INTS4: variants seen among roughly 807,000 people sequenced by gnomAD.
The protein encoded by INTS4 is integrator complex subunit 4.
A neutral mutation model predicts 119.5 loss-of-function variants in INTS4; 70 were observed. That is an observed-to-expected ratio of 0.59 (90% confidence interval 0.48 to 0.71). The LOEUF is 0.71. Ranked by LOEUF, INTS4 falls within the 30% of genes least tolerant of loss-of-function variation. INTS4 has a pLI of 0.00. For synonymous variants in INTS4, 316 were observed against 419.6 expected, an observed-to-expected ratio of 0.75 and a Z score of 3.02; for missense variants, 867 against 1,173.2, an observed-to-expected ratio of 0.74 and a Z score of 3.81.
chr11:77,965,088 A>T (rs530947451), intron 4 of INTS4, among the ~76,000 whole-genome samples: 17 of 152,128 alleles, frequency 1.1e-4, no homozygotes, highest in Non-Finnish European at 2.4e-4. Flanking sequence ...TTAAGAGACA[A>T]CATCTTCCTC....
intron 3 of INTS4, among the ~76,000 whole-genome samples, chr11:77,980,063 A>G (rs140258741): frequency 1.9e-3 from 282 of 151,782 alleles, no homozygotes; most frequent in African/African-American, 6.4e-3. Context: ...TAGAAGGCAT[A>G]TAATACATAC....
chr11:77,944,698 T>G (rs1236883351), intron 8 of INTS4, among the ~76,000 whole-genome samples: 1 of 152,246 alleles, frequency 6.6e-6, no homozygotes, highest in African/African-American at 2.4e-5. Context: ...AAATCCAAAA[T>G]GCTCCAAAAT....
downstream of INTS4, among the ~76,000 whole-genome samples, chr11:77,876,376 C>A (rs1302734850): frequency 2.6e-5 from 4 of 151,648 alleles, no homozygotes; most frequent in African/African-American, 7.3e-5. Flanking sequence ...CTCTTTATGC[C>A]CCCTTCGAAA....
intron 7 of INTS4, among the ~76,000 whole-genome samples, chr11:77,957,964 C>A (rs1954373195): frequency 6.6e-6 from 1 of 152,070 alleles, no homozygotes; most frequent in Non-Finnish European, 1.5e-5. Flanking sequence ...CGTGTCCAGA[C>A]TGAACTTCTA....
intron 14 of INTS4, among the ~76,000 whole-genome samples, chr11:77,920,226 T>TATAC (rs1199888164): frequency 7.5e-5 from 2 of 26,758 alleles, no homozygotes; most frequent in African/African-American, 2.2e-4. Flanking sequence ...TATACACATA[T>TATAC]ACATACATAT....
intron 21 of INTS4, among the ~76,000 whole-genome samples, chr11:77,890,232 T>G (rs1041565792): frequency 6.6e-6 from 1 of 152,222 alleles, no homozygotes. Context: ...GGTCTCATAA[T>G]TTTTAATAAT....
chr11:77,979,222 G>C, intron 3 of INTS4, 120 bp from the exon 4 acceptor site: 2 of 571,220 alleles, frequency 3.5e-6, no homozygotes, highest in African/African-American at 3.7e-5. Flanking sequence ...TGTAATCCCA[G>C]CACTTTGAGA....
intron 4 of INTS4, among the ~76,000 whole-genome samples, chr11:77,968,288 C>T (rs1196014610): frequency 6.6e-6 from 1 of 152,120 alleles, no homozygotes; most frequent in Non-Finnish European, 1.5e-5. Context: ...CTCCAATTTA[C>T]TTAAATGGTA....
intron 10 of INTS4, among the ~76,000 whole-genome samples, chr11:77,930,435 A>G (rs140104448): frequency 0.19 from 29,109 of 152,192 alleles, 2,837 homozygotes; most frequent in Middle Eastern, 0.23. Context: ...AAGGCAAGCT[A>G]GAGATAAACC....
At chr11:77,933,911 G>C (rs1185607571) in intron 10 of INTS4, among the ~76,000 whole-genome samples, 2 of 152,186 alleles carry the variant, frequency 1.3e-5, no homozygotes, top group Non-Finnish European at 2.9e-5. Context: ...AGCTCATTGA[G>C]AGCGGGCCAT....
chr11:77,966,357 C>T (rs748191036), intron 4 of INTS4, among the ~76,000 whole-genome samples: 13 of 152,144 alleles, frequency 8.5e-5, no homozygotes, highest in Non-Finnish European at 1.8e-4. Flanking sequence ...TTTAAAGTCA[C>T]AACAAAAAAT....
chr11:77,971,656 A>C lies in INTS4; in HGVS notation c.471+7340T>G, dbSNP rs188579736. Among the ~76,000 whole-genome samples the C allele has an allele frequency of 1.3e-4, 20 of 152,282 alleles. No individual in the cohort carries two copies. In the East Asian group the frequency reaches 3.5e-3, roughly 26 times the overall value. On this transcript the variant is annotated intron_variant, in intron 4 of 22. Transcript: ENST00000534064. ...AGACTCCGACTCAAAAAAACAAAAAAAACAAAAATACAATTACCTCATTAT... is the reference window on the plus strand; with the variant it reads ...AGACTCCGACTCAAAAAAACAAAAACAACAAAAATACAATTACCTCATTAT...
chr11:77,918,479 C>G lies in INTS4; in HGVS notation c.1922+342G>C, dbSNP rs1486805515. On this transcript the variant is annotated intron_variant, in intron 15 of 22. Transcript: ENST00000534064. ...TCCCTGATGGTCATCTCAGCCCTGTCCTGCCTATGAGAAAGAATTAAACTT... is the reference window on the plus strand; with the variant it reads ...TCCCTGATGGTCATCTCAGCCCTGTGCTGCCTATGAGAAAGAATTAAACTT... 2.5e-5 allele frequency: 7 copies of G among 278,570 alleles called. 1 individual carries two copies. Among genetic ancestry groups the G allele is most frequent in the Middle Eastern group, 2.4e-3 (2 of 846 alleles). 17.3% of individuals were successfully genotyped at this position (278,570 alleles called of 1,614,324 possible).
At chr11:77,975,301 C>T (rs965896342) in intron 4 of INTS4, among the ~76,000 whole-genome samples, 4 of 151,942 alleles carry the variant, frequency 2.6e-5, no homozygotes, top group East Asian at 3.9e-4. Context: ...AAAGTATTTT[C>T]TAATTTCCCT....
At chr11:77,935,757 G>A (rs1953772956) in intron 10 of INTS4, among the ~76,000 whole-genome samples, 1 of 151,958 alleles carries the variant, frequency 6.6e-6, no homozygotes, top group Non-Finnish European at 1.5e-5. Flanking sequence ...TTAGCCAGGT[G>A]TGGTGGTGTC....
chr11:77,877,138 G>A (rs1379931369), downstream of INTS4: 1 of 661,530 alleles, frequency 1.5e-6, no homozygotes, highest in Non-Finnish European at 2.8e-6. Context: ...GAAATAGACT[G>A]CCTGGAAATA....
At chr11:77,917,812 T>C (rs967860915) in intron 15 of INTS4, among the ~76,000 whole-genome samples, 3 of 151,944 alleles carry the variant, frequency 2.0e-5, no homozygotes, top group African/African-American at 7.2e-5. Flanking sequence ...GCAGAGCCTT[T>C]TGGTTGTTCC....
At chr11:77,910,932 A>G (rs564591082) in intron 15 of INTS4, 12 of 1,148,968 alleles carry the variant, frequency 1.0e-5, no homozygotes, top group Non-Finnish European at 1.4e-5. Context: ...TTTAATAGCA[A>G]CATTAAATTC....
At chr11:77,906,711 G>C (rs1347663136) in intron 16 of INTS4, among the ~76,000 whole-genome samples, 2 of 152,200 alleles carry the variant, frequency 1.3e-5, no homozygotes, top group Non-Finnish European at 2.9e-5. Flanking sequence ...CTGCACAACT[G>C]TAAATATAAC....
Sources: gnomAD v4.1 joint callset for allele counts (sites outside exome capture counted in the v4.1 genomes callset) on GRCh38, gnomAD v4.1.1 for gene constraint, MANE v1.5 for transcripts, NCBI Gene and HGNC (gene_info 2026-07-23, HGNC 2026-07-21) for gene names.